The following TMEM9B variants were observed in gnomAD, a reference collection of about 807,000 sequenced individuals.
TMEM9B encodes the protein TMEM9 domain family member B.
A neutral mutation model predicts 23.5 loss-of-function variants in TMEM9B; 8 were observed. That is an observed-to-expected ratio of 0.34 (90% CI 0.20 to 0.61). The LOEUF is 0.61. Ranked by LOEUF, TMEM9B falls within the 20% of genes least tolerant of loss-of-function variation. The probability of loss-of-function intolerance (pLI) is 0.78; values close to 1 mark genes in which losing one functional copy is unlikely to be tolerated. For missense variants in TMEM9B, 197 were observed against 252.3 expected (o/e 0.78, Z 1.49); for synonymous variants, 106 against 96.3 (o/e 1.10, Z -0.59).
chr11:8,948,575 A>C, intron 4 of TMEM9B, 100 bp from the exon 5 acceptor site: 1 of 1,365,358 alleles, frequency 7.3e-7, no homozygotes, highest in Non-Finnish European at 9.9e-7. Context: ...GGGTAGGTGG[A>C]CTTTTCAAAC....
chr11:8,964,400 G>C lies in TMEM9B; in HGVS notation c.-87C>G. 2.7e-6 allele frequency: 4 copies of C among 1,481,692 alleles called. No homozygotes were observed. Among genetic ancestry groups the C allele is most frequent in the Non-Finnish European group, 3.6e-6 (4 of 1,119,172 alleles). The allele number at this position is 1,481,692 out of a possible 1,614,324, so 91.8% of individuals were successfully genotyped here. On this transcript the variant is annotated 5_prime_UTR_variant, in exon 1 of 5. Coordinates refer to ENST00000534025, the MANE Select transcript of TMEM9B (RefSeq NM_020644.3). ...AGGCTCAGGCTCAGGCTCAGGCACA[G>C]GCTTGGGACCCGGCTGGGGATCCTC...
intron 4 of TMEM9B, among the ~76,000 whole-genome samples, chr11:8,952,087 C>T (rs1030352852): frequency 1.1e-4 from 16 of 152,052 alleles, no homozygotes; most frequent in East Asian, 9.6e-4. Context: ...CCAGCATGGG[C>T]GACAGAGTGA....
chr11:8,948,973 G>A (rs2134858783), intron 4 of TMEM9B, among the ~76,000 whole-genome samples: 1 of 152,238 alleles, frequency 6.6e-6, no homozygotes, highest in South Asian at 2.1e-4. Context: ...CCAGCTTGGG[G>A]CCACATCACT....
Position 8,948,134 on chromosome 11 carries a change from T to TA in TMEM9B, c.*185dup, listed in dbSNP as rs1269674962. The TA allele has an allele frequency of 3.2e-6, 2 of 619,930 alleles. No individual in the cohort carries two copies. The highest frequency in any genetic ancestry group is 1.8e-5 in the African/African-American group (1 of 54,302). 38.4% of individuals were successfully genotyped at this position (619,930 alleles called of 1,614,324 possible). A position where few individuals can be genotyped will look rare whatever the true frequency, so the allele number is the denominator to read the frequency against. ...TGGCTGACTTTGAGCTGTGTGCTTT[T>TA]AAAAATGTCTCTATTATTACGTTAA... On this transcript the variant is annotated 3_prime_UTR_variant, in exon 5 of 5. Coordinates refer to ENST00000534025, the MANE Select transcript of TMEM9B (RefSeq NM_020644.3).
intron 1 of TMEM9B, among the ~76,000 whole-genome samples, chr11:8,963,288 T>C (rs923439176): frequency 2.0e-5 from 3 of 152,232 alleles, no homozygotes; most frequent in Non-Finnish European, 4.4e-5. Flanking sequence ...GCCTGTAACC[T>C]TTCCCCACTC....
At chr11:8,956,320 G>T (rs756316245) in intron 2 of TMEM9B, 22 bp from the exon 3 acceptor site, 17 of 1,603,410 alleles carry the variant, frequency 1.1e-5, no homozygotes, top group Non-Finnish European at 1.3e-5. Flanking sequence ...AAGATAAAAT[G>T]CTGCTTAAGC....
At position 8,951,627 on chromosome 11, in the gene TMEM9B, G is replaced by C. The variant is rs1029903848; in HGVS notation, c.441+1576C>G. ...CGAAAAATTAGCCGGGCGCGATGGC[G>C]GGCGCCTGTAGTTCCAGCTACTTGG... On this transcript the variant is annotated intron_variant, in intron 4 of 4. Transcript: ENST00000534025. Among the ~76,000 whole-genome samples, 7 of 151,540 alleles carry C rather than the reference G, an allele frequency of 4.6e-5. No individual in the cohort carries two copies. The South Asian group carries it at 1.5e-3, about 32-fold the overall frequency.
intron 3 of TMEM9B, among the ~76,000 whole-genome samples, chr11:8,955,904 T>G (rs1853966163): frequency 2.0e-5 from 3 of 152,210 alleles, no homozygotes; most frequent in Non-Finnish European, 4.4e-5. Flanking sequence ...AGAGGAGGGC[T>G]TATAAATGCT....
At chr11:8,951,059 T>C (rs959652289) in intron 4 of TMEM9B, among the ~76,000 whole-genome samples, 8 of 152,210 alleles carry the variant, frequency 5.3e-5, no homozygotes, top group South Asian at 2.1e-4. Context: ...TGTTCTCAAA[T>C]AGTCAATACA....
In TMEM9B at chr11:8,948,333, A is replaced by G. The variant is rs770711217; in HGVS notation, c.584T>C (p.Val195Ala). ...TTCAATTCCCAATTAGCTGAGGACA[A>G]CATGCCGGTCAAAGACAGACTTTCG... ...EQRKSVFDRH[V>A]VLS Residue 195 changes from valine (V) to alanine (A), a missense_variant, in exon 5 of 5, where the codon GTT becomes GCT. Transcript: ENST00000534025. 22 of 1,613,934 alleles carry G rather than the reference A, an allele frequency of 1.4e-5. 1 individual carries two copies. In the South Asian group the frequency reaches 2.4e-4, roughly 18 times the overall value.
chr11:8,964,609 G>A (rs1854165817), upstream of TMEM9B: 1 of 566,306 alleles, frequency 1.8e-6, no homozygotes, highest in East Asian at 4.4e-5. Flanking sequence ...CCTGGGCCCA[G>A]TAGAGCTTTG....
intron 2 of TMEM9B, 84 bp from the exon 3 acceptor site, chr11:8,956,382 A>G: frequency 6.8e-6 from 7 of 1,034,564 alleles, no homozygotes; most frequent in East Asian, 2.5e-5. Context: ...AATCTAGAAT[A>G]ATCACTAAAC....
chr11:8,958,413 G>C (rs1341788325), intron 2 of TMEM9B, among the ~76,000 whole-genome samples: 1 of 150,814 alleles, frequency 6.6e-6, no homozygotes, highest in African/African-American at 2.4e-5. Context: ...AGTGAGCCGA[G>C]ATCGCGCCAT....
At chr11:8,951,583 C>G (rs144398933) in intron 4 of TMEM9B, among the ~76,000 whole-genome samples, 2 of 115,486 alleles carry the variant, frequency 1.7e-5, no homozygotes, top group South Asian at 2.8e-4. Context: ...AACCCCGTCT[C>G]TACTAGAAAA....
rs1853992592 is a variant in TMEM9B at position 8,957,300 on chromosome 11, ATTTATGGT to A, written c.198-1010_198-1003del. ...CCCAACCCCATTTTCAAGGCTAATT[ATTTATGGT>A]TTGTGTAAACACAGTGCTATCAGAT... On this transcript the variant is annotated intron_variant, in intron 2 of 4. Coordinates refer to ENST00000534025, the MANE Select transcript of TMEM9B (RefSeq NM_020644.3). The surrounding 1 kb of genome is among the most constrained non-coding windows in gnomAD (Gnocchi z 4.3). 2.0e-5 allele frequency among the ~76,000 whole-genome samples: 3 copies of A among 152,210 alleles called. No individual in the cohort carries two copies. Among genetic ancestry groups the A allele is most frequent in the Admixed American group, 2.0e-4 (3 of 15,280 alleles).
At position 8,947,331 on chromosome 11, in the gene TMEM9B, GAGGACAT is replaced by G. The variant is rs35044261; in HGVS notation, c.*982_*988del. 89,918 of 151,756 alleles carry G rather than the reference GAGGACAT, an allele frequency of 0.59. 26,969 individuals are homozygous for G. The highest frequency in any genetic ancestry group is 0.77 in the East Asian group (3,917 of 5,106). The allele number at this position is 151,756 out of a possible 1,614,324, so 9.4% of individuals were successfully genotyped here. A position where few individuals can be genotyped will look rare whatever the true frequency, so the allele number is the denominator to read the frequency against. On this transcript the variant is annotated 3_prime_UTR_variant, in exon 5 of 5. Coordinates refer to ENST00000534025, the MANE Select transcript of TMEM9B (RefSeq NM_020644.3). ...ATTATTTTTATTGTTACATTCCAAA[GAGGACAT>G]AGGAAGAAAAAAGCCAGTTATCCAA...
rs1192992843 is a variant in TMEM9B, at chr11:8,953,304, G to C, written c.340C>G (p.Leu114Val). 1.2e-6 allele frequency: 2 copies of C among 1,613,780 alleles called. No homozygotes were observed. Among genetic ancestry groups the C allele is most frequent in the East Asian group, 4.5e-5 (2 of 44,864 alleles). ...TIIIYLSILG[L>V]LLLYMVYLTL... ...AGATATACCATGTACAGAAGTAGAA[G>C]GCCCAAAATGGAGAGATAAATTATA... is the stretch of plus-strand genomic sequence containing the variant. Residue 114 changes from leucine (L) to valine (V), a missense_variant, in exon 4 of 5, where the codon CTT (leucine) becomes GTT (valine). Physicochemically the swap from Leu to Val is conservative, Grantham distance 32. This residue lies in a region of TMEM9B where 141 missense variants were observed against 214.1 expected (regional missense o/e 0.66). Transcript: ENST00000534025.
chr11:8,949,423 T>A (rs1853836067), intron 4 of TMEM9B, among the ~76,000 whole-genome samples: 1 of 152,256 alleles, frequency 6.6e-6, no homozygotes, highest in Non-Finnish European at 1.5e-5. Context: ...TTCCTTGATC[T>A]CTTTTTCTTG....
chr11:8,964,367 T>TC lies in TMEM9B; in HGVS notation c.-55dup. 6.5e-7 allele frequency: 1 copy of TC among 1,532,898 alleles called. No individual in the cohort carries two copies. The highest frequency in any genetic ancestry group is 8.8e-7 in the Non-Finnish European group (1 of 1,141,548). 95.0% of individuals were successfully genotyped at this position (1,532,898 alleles called of 1,614,324 possible). A position where few individuals can be genotyped will look rare whatever the true frequency, so the allele number is the denominator to read the frequency against. The stretch of plus-strand genomic sequence containing the variant: ...GGAGCCCCCGCGACCGGCTCCCGGC[T>TC]CGGGCTCAGGCTCAGGCTCAGGCTC... On this transcript the variant is annotated 5_prime_UTR_variant, in exon 1 of 5. Transcript: ENST00000534025.
Sources: gnomAD v4.1 joint callset for allele counts (sites outside exome capture counted in the v4.1 genomes callset) on GRCh38, gnomAD v4.1.1 for gene constraint, gnomAD v4.1.1 regional missense constraint, Gnocchi (gnomAD v3.1) non-coding constraint, MANE v1.5 for transcripts, NCBI Gene and HGNC (gene_info 2026-07-23, HGNC 2026-07-21) for gene names.